Variants in THADA observed in about 807,000 individuals in gnomAD.
THADA encodes THADA armadillo repeat containing.
Under a neutral mutation model 219.8 loss-of-function variants are expected in THADA, and 213 were observed. The observed-to-expected ratio is 0.97, with a 90% CI of 0.87 to 1.09. The LOEUF is 1.09. THADA is among the 50% of genes least tolerant of loss of function. The pLI is 0.00. For missense variants in THADA, 2,956 were observed against 2,311.3 expected, an observed-to-expected ratio of 1.28 and a Z score of -5.72; for synonymous variants, 1,018 against 828.9, an observed-to-expected ratio of 1.23 and a Z score of -3.92.
intron 24 of THADA, among the ~76,000 whole-genome samples, chr2:43,501,103 C>G (rs1042696195): frequency 7.3e-5 from 11 of 151,624 alleles, no homozygotes; most frequent in Non-Finnish European, 1.0e-4. Context: ...GTCAGGAGTT[C>G]AAAACCAGCC....
chr2:43,297,450 G>GA (rs1675596316), intron 31 of THADA, among the ~76,000 whole-genome samples: 1 of 105,562 alleles, frequency 9.5e-6, no homozygotes, highest in African/African-American at 5.5e-5. Context: ...AGGGAGGTGG[G>GA]GGGGGGTCAG....
intron 20 of THADA, among the ~76,000 whole-genome samples, chr2:43,545,722 C>A (rs752983375): frequency 0.081 from 12,258 of 151,276 alleles, 534 homozygotes; most frequent in South Asian, 0.14. Context: ...TGGTGATATC[C>A]CCTTTATCAT....
chr2:43,399,471 C>T (rs1017086142), intron 28 of THADA, among the ~76,000 whole-genome samples: 1 of 152,132 alleles, frequency 6.6e-6, no homozygotes, highest in African/African-American at 2.4e-5. Flanking sequence ...AACAGAAATA[C>T]AGATACAATT....
intron 32 of THADA, among the ~76,000 whole-genome samples, chr2:43,292,439 C>T (rs909614420): frequency 5.9e-5 from 9 of 152,194 alleles, no homozygotes; most frequent in African/African-American, 1.9e-4. Context: ...GAGCCAGATG[C>T]CCTGATTTTA....
intron 30 of THADA, among the ~76,000 whole-genome samples, chr2:43,328,471 C>T (rs1422333799): frequency 1.3e-5 from 2 of 152,156 alleles, no homozygotes; most frequent in South Asian, 4.1e-4. Flanking sequence ...CCACAGCCCT[C>T]CTACTTGGAT....
intron 36 of THADA, among the ~76,000 whole-genome samples, chr2:43,278,395 G>A (rs1030574890): frequency 1.3e-5 from 2 of 152,206 alleles, no homozygotes; most frequent in African/African-American, 4.8e-5. Flanking sequence ...AAGCTGGGCT[G>A]GGTGCGGAAT....
intron 36 of THADA, among the ~76,000 whole-genome samples, chr2:43,246,856 C>T (rs761104292): frequency 2.8e-4 from 42 of 152,224 alleles, no homozygotes; most frequent in Non-Finnish European, 4.4e-4. Flanking sequence ...GAAATCACCG[C>T]TGACATGGCC....
chr2:43,360,066 C>A (rs764403658), intron 29 of THADA, among the ~76,000 whole-genome samples: 1 of 152,024 alleles, frequency 6.6e-6, no homozygotes, highest in Admixed American at 6.6e-5. Flanking sequence ...CAGTCTATTA[C>A]AAAGATTTCA....
At chr2:43,244,995 G>A (rs1422288564) in intron 36 of THADA, among the ~76,000 whole-genome samples, 5 of 152,124 alleles carry the variant, frequency 3.3e-5, no homozygotes, top group African/African-American at 1.2e-4. Context: ...GGCAACCTGA[G>A]GTCTGCCTTC....
chr2:43,555,929 C>A (rs563667946), intron 17 of THADA, among the ~76,000 whole-genome samples: 6 of 151,980 alleles, frequency 3.9e-5, no homozygotes, highest in Non-Finnish European at 7.4e-5. Flanking sequence ...TTGGAACTGG[C>A]TATTTGGGAA....
intron 29 of THADA, among the ~76,000 whole-genome samples, chr2:43,390,527 T>C (rs1317624463): frequency 2.0e-5 from 3 of 152,220 alleles, no homozygotes; most frequent in Non-Finnish European, 4.4e-5. Flanking sequence ...TATTCTGACA[T>C]GCCAACTGCC....
chr2:43,410,259 A>G (rs1292299961), intron 28 of THADA, among the ~76,000 whole-genome samples: 1 of 152,208 alleles, frequency 6.6e-6, no homozygotes, highest in Non-Finnish European at 1.5e-5. Flanking sequence ...GTTGGCTAGG[A>G]TATGGAACAA....
At chr2:43,446,154 A>C (rs1001998067) in intron 26 of THADA, among the ~76,000 whole-genome samples, 1 of 152,242 alleles carries the variant, frequency 6.6e-6, no homozygotes, top group Non-Finnish European at 1.5e-5. Flanking sequence ...AAATGTTCCT[A>C]AAAAATCATT....
rs142649667 is a variant in THADA at position 43,334,075 on chromosome 2, C to T, written c.4343+10047G>A. 4.8e-3 allele frequency among the ~76,000 whole-genome samples: 727 copies of T among 152,320 alleles called. 8 individuals are homozygous for T. Among genetic ancestry groups the T allele is most frequent in the African/African-American group, 0.017 (696 of 41,552 alleles). ...CCCCCTAGGGAAGAACTGGGATTGC[C>T]ACACAAAAGCCTCAGCTTTGTCTCT... On this transcript the variant is annotated intron_variant, in intron 30 of 37. Transcript: ENST00000405975.
chr2:43,515,497 C>T (rs944493826), intron 22 of THADA, among the ~76,000 whole-genome samples: 10 of 141,722 alleles, frequency 7.1e-5, no homozygotes, highest in African/African-American at 2.1e-4. Context: ...TTACCCAAAA[C>T]AGTATACAGA....
In THADA at chr2:43,430,276, C is replaced by A. The variant is rs749886006; in HGVS notation, c.3863G>T (p.Arg1288Leu). 1.3e-6 allele frequency: 2 copies of A among 1,549,008 alleles called. No homozygotes were observed. Among genetic ancestry groups the A allele is most frequent in the Non-Finnish European group, 1.7e-6 (2 of 1,146,078 alleles). The change falls in exon 27 of 38, where the codon CGT becomes CTT. Residue 1288 changes from arginine (R) to leucine (L), a missense_variant. By Grantham distance (102) the Arg-to-Leu change is moderately radical. Coordinates refer to ENST00000405975, the MANE Select transcript of THADA (RefSeq NM_022065.5). ...AAGAAAAGGATAGAGTTCTGGGAAA[C>A]GAGAGAAAAACTCTCTCCCTGTCAT... ...NRMTGREFFS[R>L]FPELYPFLLK...
At chr2:43,356,943 G>A (rs1027257015) in intron 29 of THADA, among the ~76,000 whole-genome samples, 1 of 152,128 alleles carries the variant, frequency 6.6e-6, no homozygotes, top group Non-Finnish European at 1.5e-5. Context: ...ACTACCAAAT[G>A]CTCAACTTTG....
intron 29 of THADA, chr2:43,372,318 G>A (rs2104625886): frequency 6.6e-6 from 1 of 152,304 alleles, no homozygotes; most frequent in South Asian, 2.1e-4. Context: ...TTCTGAACCT[G>A]ATACATTCAG....
At chr2:43,467,743 AAC>A (rs1684428063) in intron 26 of THADA, among the ~76,000 whole-genome samples, 1 of 152,230 alleles carries the variant, frequency 6.6e-6, no homozygotes, top group African/African-American at 2.4e-5. Context: ...AAAGCTTGAC[AAC>A]AGTCTTAAAA....
Sources: allele counts gnomAD v4.1 joint callset (sites outside exome capture counted in the v4.1 genomes callset), GRCh38; gene constraint gnomAD v4.1.1; transcripts MANE v1.5; gene names NCBI Gene and HGNC (gene_info 2026-07-23, HGNC 2026-07-21).